KIF13A: variants seen among roughly 807,000 people sequenced by gnomAD.
KIF13A encodes the protein kinesin-like protein KIF13A.
KIF13A carries 79 observed loss-of-function variants against 212.2 expected under a neutral mutation model. That is an observed-to-expected ratio of 0.37 (90% CI 0.31 to 0.45). The LOEUF is 0.45. KIF13A is among the 20% of genes least tolerant of loss of function. The probability of loss-of-function intolerance (pLI) is 1.00; values close to 1 mark genes in which losing one functional copy is unlikely to be tolerated. For synonymous variants in KIF13A, 789 were observed against 808.6 expected (o/e 0.98, Z 0.41); for missense variants, 1,901 against 2,209.0 (o/e 0.86, Z 2.79).
intron 2 of KIF13A, among the ~76,000 whole-genome samples, chr6:17,957,181 C>T (rs1202006064): frequency 2.0e-5 from 3 of 152,136 alleles, no homozygotes; most frequent in African/African-American, 7.2e-5. Flanking sequence ...CGCACCAGGT[C>T]CCACTTTTTT....
chr6:17,821,421 G>A (rs1764421773), intron 16 of KIF13A, among the ~76,000 whole-genome samples: 1 of 152,154 alleles, frequency 6.6e-6, no homozygotes, highest in African/African-American at 2.4e-5. Context: ...CTGCTCTGCT[G>A]TCAACAGCAA....
At chr6:17,817,257 A>G (rs1764032025) in intron 16 of KIF13A, 24 bp from the exon 17 acceptor site, 4 of 1,603,174 alleles carry the variant, frequency 2.5e-6, no homozygotes, top group Non-Finnish European at 3.4e-6. Context: ...AGACAAGGCA[A>G]GGTGTCTTAG....
chr6:17,981,719 T>C (rs1308162573), intron 2 of KIF13A, among the ~76,000 whole-genome samples: 1 of 152,078 alleles, frequency 6.6e-6, no homozygotes, highest in Non-Finnish European at 1.5e-5. Flanking sequence ...ACTGAGTCAC[T>C]GTGTCCGGCC....
At chr6:17,893,367 G>A (rs1411631375) in intron 3 of KIF13A, among the ~76,000 whole-genome samples, 4 of 152,146 alleles carry the variant, frequency 2.6e-5, no homozygotes, top group Admixed American at 1.3e-4. Context: ...TATATCCCAA[G>A]TATTTAATGT....
At position 17,825,923 on chromosome 6, in the gene KIF13A, G is replaced by C. The variant is rs1764924566; in HGVS notation, c.1631C>G (p.Pro544Arg). Reference protein sequence around the residue: ...GNNHFFRINLPKRKRRDWLKD... With the variant: ...GNNHFFRINLRKRKRRDWLKD... Reference sequence around the variant, plus strand: ...CAACCAATCTCGACGTTTCCTCTTAGGTAAGTTTATTCTGTGGGGTTTTTC... The same window carrying C: ...CAACCAATCTCGACGTTTCCTCTTACGTAAGTTTATTCTGTGGGGTTTTTC... The change falls in exon 16 of 39, where the codon CCT (proline) becomes CGT (arginine). Residue 544 changes from proline (P) to arginine (R), a missense_variant. Physicochemically the swap from Pro to Arg is moderately radical, Grantham distance 103 (BLOSUM62 -2). Transcript: ENST00000259711. The surrounding 1 kb of genome is among the most constrained non-coding windows in gnomAD (Gnocchi z 4.5). 6.2e-7 allele frequency: 1 copy of C among 1,613,718 alleles called. No homozygotes were observed. The highest frequency in any genetic ancestry group is 1.3e-5 in the African/African-American group (1 of 74,876).
Position 17,947,265 on chromosome 6 carries a change from A to G in KIF13A, c.146+39789T>C, listed in dbSNP as rs1188900076. 1.3e-5 allele frequency among the ~76,000 whole-genome samples: 2 copies of G among 152,194 alleles called. No individual in the cohort carries two copies. The highest frequency in any genetic ancestry group is 6.5e-5 in the Admixed American group (1 of 15,276). ...AAAAGTACAAGTTGGGTGGTGATAC[A>G]AGGTACTTACATTTTTTTCTTAACT... On this transcript the variant is annotated intron_variant, in intron 2 of 38. Transcript: ENST00000259711. This position sits in a 1 kb window ranked among gnomAD's most constrained non-coding sequence, Gnocchi z 4.6.
rs1187729152 is a variant in KIF13A at position 17,856,398 on chromosome 6, A to T, written c.221-276T>A. Among the ~76,000 whole-genome samples the T allele has an allele frequency of 6.6e-6, 1 of 152,196 alleles. No individual in the cohort carries two copies. Among genetic ancestry groups the T allele is most frequent in the Non-Finnish European group, 1.5e-5 (1 of 68,030 alleles). Reference sequence around the variant, plus strand: ...TGTGAGTGGGCCATATGGAAGCAGCATTCAAATTTGGTTGTTTTTTCTTAT... The same window carrying T: ...TGTGAGTGGGCCATATGGAAGCAGCTTTCAAATTTGGTTGTTTTTTCTTAT... On this transcript the variant is annotated intron_variant, in intron 4 of 38. Coordinates refer to ENST00000259711, the MANE Select transcript of KIF13A (RefSeq NM_022113.6). This position sits in a 1 kb window ranked among gnomAD's most constrained non-coding sequence, Gnocchi z 4.5.
intron 3 of KIF13A, among the ~76,000 whole-genome samples, chr6:17,885,880 G>A (rs903241406): frequency 6.6e-6 from 1 of 152,184 alleles, no homozygotes; most frequent in Admixed American, 6.5e-5. Context: ...ACTGGTGGCT[G>A]AGGAGTGGGG....
intron 2 of KIF13A, among the ~76,000 whole-genome samples, chr6:17,973,868 G>A (rs1780037556): frequency 6.6e-6 from 1 of 152,150 alleles, no homozygotes; most frequent in African/African-American, 2.4e-5. Context: ...ACTGGAAACA[G>A]GGAACTGGAG....
At chr6:17,923,901 A>C (rs1342448456) in intron 2 of KIF13A, among the ~76,000 whole-genome samples, 1 of 152,158 alleles carries the variant, frequency 6.6e-6, no homozygotes, top group Non-Finnish European at 1.5e-5. Flanking sequence ...AGCCCAGGAG[A>C]ATAATAACCA....
In KIF13A at chr6:17,825,556, G is replaced by A. The variant is rs116243941; in HGVS notation, c.1786+212C>T. 5.8e-4 allele frequency among the ~76,000 whole-genome samples: 89 copies of A among 152,200 alleles called. No individual in the cohort carries two copies. Among genetic ancestry groups the A allele is most frequent in the African/African-American group, 2.0e-3 (83 of 41,510 alleles). ...TGGGAATAAGAGGTCTCAAAAACGG[G>A]ACCATCCATATCCTCATTGTAACTG... On this transcript the variant is annotated intron_variant, in intron 16 of 38. Transcript: ENST00000259711. The surrounding 1 kb of genome is among the most constrained non-coding windows in gnomAD (Gnocchi z 4.5).
At position 17,796,524 on chromosome 6, in the gene KIF13A, GC is replaced by G. The variant is rs1762048736; in HGVS notation, c.2942+144del. The G allele has an allele frequency of 1.4e-5, 7 of 485,992 alleles. No individual in the cohort carries two copies. In the South Asian group the frequency reaches 5.0e-4, roughly 35 times the overall value. 30.1% of individuals were successfully genotyped at this position (485,992 alleles called of 1,614,324 possible). On this transcript the variant is annotated intron_variant, in intron 23 of 38. Coordinates refer to ENST00000259711, the MANE Select transcript of KIF13A (RefSeq NM_022113.6). ...CCAAAGTGCTGGATTACAGGCATGA[GC>G]CACCGCACCTGGCCATTCTTTTTTT...
rs116811523 is a variant in KIF13A, at chr6:17,817,349, G to A, written c.1787-116C>T. 5.3e-4 allele frequency: 440 copies of A among 837,916 alleles called. 1 individual carries two copies. In the African/African-American group the frequency reaches 6.5e-3, roughly 12 times the overall value. 51.9% of individuals were successfully genotyped at this position (837,916 alleles called of 1,614,324 possible). A position where few individuals can be genotyped will look rare whatever the true frequency, so the allele number is the denominator to read the frequency against. The stretch of plus-strand genomic sequence containing the variant: ...AGCAAGGAATCTAGCCAGTCAATAC[G>A]CTTTTTGTGAGAGGCCTGAGGGGCC... On this transcript the variant is annotated intron_variant, in intron 16 of 38. Coordinates refer to ENST00000259711, the MANE Select transcript of KIF13A (RefSeq NM_022113.6).
rs369586738 is a variant in KIF13A, at chr6:17,764,773, T to C, written c.4755A>G (p.Glu1585=). 13 of 1,613,166 alleles carry C rather than the reference T, an allele frequency of 8.1e-6. No homozygotes were observed. In the African/African-American group the frequency reaches 1.2e-4, roughly 15 times the overall value. ...DLSNSRVLEK[E]VSRSPTTSSI... ...TGCTGGTGGTAGGGCTACGGGACAC[T>C]TCTTTCTCCAAGACCCGTGAGTTTG... The change falls in exon 39 of 39, where the codon GAA becomes GAG. Residue 1585 remains glutamate (E), a synonymous_variant. Transcript: ENST00000259711. The surrounding 1 kb of genome is among the most constrained non-coding windows in gnomAD (Gnocchi z 5.1).
In KIF13A at chr6:17,892,434, T is replaced by C. The variant is rs1436231585; in HGVS notation, c.159+5734A>G. Among the ~76,000 whole-genome samples, 1 of 152,230 alleles carries C rather than the reference T, an allele frequency of 6.6e-6. No individual in the cohort carries two copies. The highest frequency in any genetic ancestry group is 1.5e-5 in the Non-Finnish European group (1 of 68,036). ...TGTTCAAAACAGGCAATAGAGACACTGAAGGTATCAAGGTCCAACCCTGAC... is the reference window on the plus strand; with the variant it reads ...TGTTCAAAACAGGCAATAGAGACACCGAAGGTATCAAGGTCCAACCCTGAC... On this transcript the variant is annotated intron_variant, in intron 3 of 38. Coordinates refer to ENST00000259711, the MANE Select transcript of KIF13A (RefSeq NM_022113.6). The surrounding 1 kb of genome is among the most constrained non-coding windows in gnomAD (Gnocchi z 4.7).
intron 2 of KIF13A, among the ~76,000 whole-genome samples, chr6:17,977,129 A>AG (rs1780623298): frequency 6.6e-6 from 1 of 151,282 alleles, no homozygotes; most frequent in Non-Finnish European, 1.5e-5. Flanking sequence ...AAAAAAAAAA[A>AG]AAAAAAAGAA....
In KIF13A at chr6:17,794,468, G is replaced by A. The variant is rs1376963462; in HGVS notation, c.3076-73C>T. 6.4e-7 allele frequency: 1 copy of A among 1,566,460 alleles called. No homozygotes were observed. Among genetic ancestry groups the A allele is most frequent in the Non-Finnish European group, 8.7e-7 (1 of 1,150,008 alleles). On this transcript the variant is annotated intron_variant, in intron 24 of 38. Coordinates refer to ENST00000259711, the MANE Select transcript of KIF13A (RefSeq NM_022113.6). This position sits in a 1 kb window ranked among gnomAD's most constrained non-coding sequence, Gnocchi z 4.1. ...GGAACGGGATAAAGAAGGGGAAAAG[G>A]ATTAGAGAATAAAGATACAAATAGT...
intron 2 of KIF13A, among the ~76,000 whole-genome samples, chr6:17,969,502 A>C (rs1026539750): frequency 6.6e-6 from 1 of 152,212 alleles, no homozygotes; most frequent in African/African-American, 2.4e-5. Context: ...TTCTGAGGAA[A>C]TGACTGGCTG....
chr6:17,956,012 A>G (rs751269292), intron 2 of KIF13A, among the ~76,000 whole-genome samples: 12 of 152,222 alleles, frequency 7.9e-5, no homozygotes, highest in Non-Finnish European at 1.8e-4. Flanking sequence ...TAAAAAGTCT[A>G]TTAACATTGC....
Sources: gnomAD v4.1 joint callset for allele counts (sites outside exome capture counted in the v4.1 genomes callset) on GRCh38, gnomAD v4.1.1 for gene constraint, Gnocchi (gnomAD v3.1) non-coding constraint, MANE v1.5 for transcripts, NCBI Gene and HGNC (gene_info 2026-07-23, HGNC 2026-07-21) for gene names.